Variants in GPC6 observed in about 807,000 individuals in gnomAD.
GPC6 encodes the protein glypican-6.
Under a neutral mutation model 55.2 loss-of-function variants are expected in GPC6, and 14 were observed. The ratio of observed to expected loss-of-function variants is 0.25; its 90% CI spans 0.17 to 0.40. GPC6 has a LOEUF of 0.40. Among genes scored for constraint, GPC6 ranks in the 10% least tolerant of loss-of-function variants. The pLI, the probability that GPC6 is intolerant of heterozygous loss-of-function variation, is 1.00. For missense variants in GPC6, 641 were observed against 708.5 expected (o/e 0.90, Z 1.08); for synonymous variants, 278 against 259.6 (o/e 1.07, Z -0.68).
At chr13:94,052,713 CAAA>C (rs1352062506) in intron 4 of GPC6, among the ~76,000 whole-genome samples, 1 of 152,066 alleles carries the variant, frequency 6.6e-6, no homozygotes, top group Non-Finnish European at 1.5e-5. Context: ...TGTCCTCTTC[CAAA>C]CTTAATTTTA....
chr13:94,372,304 G>T (rs1195895739), intron 6 of GPC6, among the ~76,000 whole-genome samples: 1 of 152,152 alleles, frequency 6.6e-6, no homozygotes, highest in Non-Finnish European at 1.5e-5. Flanking sequence ...TGAGGTACCA[G>T]GTTCATCTCA....
chr13:94,379,433 C>T (rs1191007279), intron 6 of GPC6, among the ~76,000 whole-genome samples: 2 of 152,174 alleles, frequency 1.3e-5, no homozygotes, highest in African/African-American at 4.8e-5. Flanking sequence ...AGGGAACACA[C>T]TCTGATTATA....
At chr13:93,820,474 A>G (rs188753804) in intron 2 of GPC6, among the ~76,000 whole-genome samples, 1 of 152,152 alleles carries the variant, frequency 6.6e-6, no homozygotes, top group Admixed American at 6.5e-5. Flanking sequence ...AACAGCCAAT[A>G]TACTTATGAT....
chr13:94,024,273 ATACAC>A (rs1360114758), intron 3 of GPC6, among the ~76,000 whole-genome samples: 4 of 152,242 alleles, frequency 2.6e-5, no homozygotes, highest in Admixed American at 2.6e-4. Flanking sequence ...TGAAGGAAGG[ATACAC>A]AGGAGTTTAT....
At chr13:93,746,911 A>G (rs1394953797) in intron 2 of GPC6, among the ~76,000 whole-genome samples, 1 of 152,260 alleles carries the variant, frequency 6.6e-6, no homozygotes, top group Admixed American at 6.5e-5. Context: ...AACCATGGAA[A>G]GAAGCCTTAC....
intron 1 of GPC6, among the ~76,000 whole-genome samples, chr13:93,461,674 G>C (rs1411797904): frequency 9.9e-5 from 2 of 20,172 alleles, no homozygotes; most frequent in African/African-American, 1.9e-4. Flanking sequence ...GGGGGGGTTG[G>C]GGGGGGGTGT....
chr13:94,050,723 A>G (rs1337831), intron 4 of GPC6, among the ~76,000 whole-genome samples: 89,305 of 151,962 alleles, frequency 0.59, 27,812 homozygotes, highest in Middle Eastern at 0.75. Flanking sequence ...GGGAGATAGG[A>G]CAGGAGAAGT....
chr13:93,577,800 G>A (rs1876735586), intron 2 of GPC6, among the ~76,000 whole-genome samples: 1 of 152,060 alleles, frequency 6.6e-6, no homozygotes, highest in African/African-American at 2.4e-5. Context: ...GAACTTGAAG[G>A]AAAGGCTTTC....
chr13:93,975,589 G>C (rs113998403), intron 3 of GPC6, among the ~76,000 whole-genome samples: 4 of 152,222 alleles, frequency 2.6e-5, no homozygotes, highest in Non-Finnish European at 4.4e-5. Flanking sequence ...AAATAAATGA[G>C]TTTTTTATTG....
chr13:93,716,137 A>C lies in GPC6; in HGVS notation c.320-114017A>C, dbSNP rs140873094. On this transcript the variant is annotated intron_variant, in intron 2 of 8. Transcript: ENST00000377047. The stretch of plus-strand genomic sequence containing the variant: ...TACTCTGCTGCCAGTTGTATAATAA[A>C]AGTATAGTACTTAGAATTATATACA... 4.8e-3 allele frequency among the ~76,000 whole-genome samples: 733 copies of C among 151,806 alleles called. 7 individuals carry two copies. Among genetic ancestry groups the C allele is most frequent in the African/African-American group, 0.017 (698 of 41,488 alleles).
chr13:93,474,234 A>T (rs1383921836), intron 1 of GPC6, among the ~76,000 whole-genome samples: 1 of 151,954 alleles, frequency 6.6e-6, no homozygotes, highest in Non-Finnish European at 1.5e-5. Context: ...TGTTACTTGG[A>T]TCTGTTTCTT....
chr13:94,380,944 G>A (rs1880127580), intron 6 of GPC6, among the ~76,000 whole-genome samples: 1 of 152,074 alleles, frequency 6.6e-6, no homozygotes, highest in Non-Finnish European at 1.5e-5. Context: ...TTTTCAGAAT[G>A]CCCCTGAGTT....
At chr13:94,290,325 G>A (rs1304683786) in intron 5 of GPC6, among the ~76,000 whole-genome samples, 1 of 151,274 alleles carries the variant, frequency 6.6e-6, no homozygotes, top group Non-Finnish European at 1.5e-5. Flanking sequence ...GGAGACGGAG[G>A]TAGAAGGTTC....
In GPC6 at chr13:94,352,140, C is replaced by T. The variant is rs141741536; in HGVS notation, c.1153-30274C>T. Among the ~76,000 whole-genome samples, 242 of 152,142 alleles carry T rather than the reference C, an allele frequency of 1.6e-3. 8 individuals are homozygous for T. The East Asian group carries it at 0.04, about 25-fold the overall frequency. On this transcript the variant is annotated intron_variant, in intron 6 of 8. Coordinates refer to ENST00000377047, the MANE Select transcript of GPC6 (RefSeq NM_005708.5). ...CGCCTCTGTATAAAGCAGTGAGGCACAGAAAGAATGGTGTGAGCTGAGGCC... is the reference window on the plus strand; with the variant it reads ...CGCCTCTGTATAAAGCAGTGAGGCATAGAAAGAATGGTGTGAGCTGAGGCC...
intron 1 of GPC6, among the ~76,000 whole-genome samples, chr13:93,458,996 G>A (rs184185265): frequency 2.2e-4 from 34 of 152,202 alleles, no homozygotes; most frequent in Non-Finnish European, 3.4e-4. Context: ...TGATAATACC[G>A]TAATGGAGAC....
chr13:93,837,715 G>T (rs1336574411), intron 3 of GPC6, among the ~76,000 whole-genome samples: 1 of 152,068 alleles, frequency 6.6e-6, no homozygotes, highest in Admixed American at 6.6e-5. Flanking sequence ...CATTTATTAT[G>T]CAATAAATGC....
intron 1 of GPC6, among the ~76,000 whole-genome samples, chr13:93,348,309 T>G (rs1880499836): frequency 6.6e-6 from 1 of 152,178 alleles, no homozygotes; most frequent in African/African-American, 2.4e-5. Flanking sequence ...GAGACTCAAG[T>G]TTGAGAATTA....
chr13:93,892,175 C>T (rs535791660), intron 3 of GPC6, among the ~76,000 whole-genome samples: 2 of 152,042 alleles, frequency 1.3e-5, no homozygotes, highest in South Asian at 4.2e-4. Context: ...GTGTGTGGGA[C>T]AGATATACTA....
chr13:93,441,770 T>A (rs1392343812), intron 1 of GPC6, among the ~76,000 whole-genome samples: 1 of 152,210 alleles, frequency 6.6e-6, no homozygotes, highest in Non-Finnish European at 1.5e-5. Context: ...TCCTTGCCCA[T>A]GCCTGTGTCC....
Sources: allele counts gnomAD v4.1 joint callset (sites outside exome capture counted in the v4.1 genomes callset), GRCh38; gene constraint gnomAD v4.1.1; transcripts MANE v1.5; gene names NCBI Gene and HGNC (gene_info 2026-07-23, HGNC 2026-07-21).